Variants in RAB3GAP1 observed in about 807,000 individuals in gnomAD.
The protein encoded by RAB3GAP1 is rab3 GTPase-activating protein catalytic subunit.
A neutral mutation model predicts 130.7 loss-of-function variants in RAB3GAP1; 86 were observed. The observed-to-expected ratio is 0.66, with a 90% CI of 0.55 to 0.79. The LOEUF (loss-of-function observed/expected upper bound fraction) is 0.79. Ranked by LOEUF, RAB3GAP1 falls within the 30% of genes least tolerant of loss-of-function variation. The pLI is 0.00. For missense variants in RAB3GAP1, 1,029 were observed against 1,169.4 expected, an observed-to-expected ratio of 0.88 and a Z score of 1.75; for synonymous variants, 367 against 401.7, an observed-to-expected ratio of 0.91 and a Z score of 1.03.
chr2:135,077,831 G>C (rs987395653), intron 3 of RAB3GAP1, among the ~76,000 whole-genome samples: 1 of 152,030 alleles, frequency 6.6e-6, no homozygotes, highest in Admixed American at 6.6e-5. Context: ...TGTTCTTATT[G>C]CCTATTTGTC....
At chr2:135,064,281 G>T (rs986873194) in intron 3 of RAB3GAP1, among the ~76,000 whole-genome samples, 1 of 151,688 alleles carries the variant, frequency 6.6e-6, no homozygotes, top group Non-Finnish European at 1.5e-5. Flanking sequence ...AAATTTTTTT[G>T]CCCCATTCTC....
intron 17 of RAB3GAP1, among the ~76,000 whole-genome samples, chr2:135,145,108 G>A (rs1457610659): frequency 6.6e-6 from 1 of 151,896 alleles, no homozygotes; most frequent in East Asian, 1.9e-4. Context: ...CATTTTTATG[G>A]GGTACATATG....
In RAB3GAP1 at chr2:135,135,630, G is replaced by A. The variant is rs1691657182; in HGVS notation, c.1621G>A (p.Val541Ile). 1.2e-6 allele frequency: 2 copies of A among 1,612,084 alleles called. No homozygotes were observed. The highest frequency in any genetic ancestry group is 1.7e-6 in the Non-Finnish European group (2 of 1,179,304). ...DEGKKTSASDVTNIYPGDAGK... is the reference protein window; with the variant it reads ...DEGKKTSASDITNIYPGDAGK... ...GGGGAAAAAGACAAGTGCTTCAGAT[G>A]TCACTAATATATATCCAGGGGATGC... The change falls in exon 17 of 24, where the codon GTC becomes ATC. Residue 541 changes from valine (V) to isoleucine (I), a missense_variant. This residue lies in a region of RAB3GAP1 where 373 missense variants were observed against 493.6 expected (regional missense o/e 0.76). Transcript: ENST00000264158.
At chr2:135,058,917 T>G (rs567800039) in intron 3 of RAB3GAP1, 6 of 152,266 alleles carry the variant, frequency 3.9e-5, no homozygotes, top group African/African-American at 1.4e-4. Context: ...GTAATTTAAT[T>G]ATAATTTACC....
At chr2:135,161,615 A>G (rs574709166) in intron 19 of RAB3GAP1, among the ~76,000 whole-genome samples, 1 of 152,258 alleles carries the variant, frequency 6.6e-6, no homozygotes, top group Non-Finnish European at 1.5e-5. Context: ...TTTTCTTTAA[A>G]CTATTTCTAA....
intron 5 of RAB3GAP1, among the ~76,000 whole-genome samples, chr2:135,110,920 A>G (rs542909470): frequency 2.9e-4 from 44 of 152,344 alleles, no homozygotes; most frequent in African/African-American, 1.0e-3. Context: ...ATACAAGTAC[A>G]GAGGATGGAA....
chr2:135,103,935 C>T (rs1690522363), intron 5 of RAB3GAP1, among the ~76,000 whole-genome samples: 1 of 152,186 alleles, frequency 6.6e-6, no homozygotes, highest in Admixed American at 6.5e-5. Flanking sequence ...CCGTAGATGA[C>T]AGGAAAACTA....
intron 23 of RAB3GAP1, chr2:135,167,628 G>T (rs1475687777): frequency 6.8e-6 from 9 of 1,328,154 alleles, no homozygotes; most frequent in Admixed American, 5.9e-5. Flanking sequence ...CCCTTGTCTA[G>T]CCCTATTTAA....
At chr2:135,102,901 G>T (rs1258015253) in intron 5 of RAB3GAP1, among the ~76,000 whole-genome samples, 1 of 150,116 alleles carries the variant, frequency 6.7e-6, no homozygotes, top group African/African-American at 2.5e-5. Flanking sequence ...TGTAGTCCCA[G>T]CTACTTGGGA....
At chr2:135,142,921 T>C (rs1177092827) in intron 17 of RAB3GAP1, among the ~76,000 whole-genome samples, 2 of 151,708 alleles carry the variant, frequency 1.3e-5, no homozygotes, top group Non-Finnish European at 2.9e-5. Context: ...TATTCATATG[T>C]CAGAGGTATT....
intron 19 of RAB3GAP1, among the ~76,000 whole-genome samples, chr2:135,161,602 G>A (rs927190405): frequency 3.3e-5 from 5 of 152,010 alleles, no homozygotes; most frequent in Non-Finnish European, 5.9e-5. Context: ...TCCTAAGCTG[G>A]TGTTTTCTTT....
At position 135,130,117 on chromosome 2, in the gene RAB3GAP1, T is replaced by C. The variant is rs1235061329; in HGVS notation, c.1066+30T>C. On this transcript the variant is annotated intron_variant, in intron 12 of 23. Coordinates refer to ENST00000264158, the MANE Select transcript of RAB3GAP1 (RefSeq NM_012233.3). ...CCTACATTTTTTTTTAACATTACTT[T>C]CAAATGTCTTACTGTTTTTCCTTGG... is the stretch of plus-strand genomic sequence containing the variant. 2.0e-6 allele frequency: 3 copies of C among 1,497,740 alleles called. No individual in the cohort carries two copies. The Admixed American group carries it at 5.0e-5, about 25-fold the overall frequency. The allele number at this position is 1,497,740 out of a possible 1,614,324, so 92.8% of individuals were successfully genotyped here. A position where few individuals can be genotyped will look rare whatever the true frequency, so the allele number is the denominator to read the frequency against.
chr2:135,161,423 G>C (rs1442156123), intron 19 of RAB3GAP1, among the ~76,000 whole-genome samples: 1 of 151,930 alleles, frequency 6.6e-6, no homozygotes, highest in Non-Finnish European at 1.5e-5. Flanking sequence ...GCTATAAACA[G>C]AAACACTCCA....
chr2:135,052,504 TG>T lies in RAB3GAP1; in HGVS notation c.74+21del. Reference sequence around the variant, plus strand: ...GGGAAAGGTGAGTGAATCGCATTTTTGGTTACCAGCTCCCATGGGCCCTGGC... The same window carrying T: ...GGGAAAGGTGAGTGAATCGCATTTTTGTTACCAGCTCCCATGGGCCCTGGC... On this transcript the variant is annotated intron_variant, in intron 2 of 23. Coordinates refer to ENST00000264158, the MANE Select transcript of RAB3GAP1 (RefSeq NM_012233.3). 6.2e-7 allele frequency: 1 copy of T among 1,613,018 alleles called. No homozygotes were observed. Among genetic ancestry groups the T allele is most frequent in the Non-Finnish European group, 8.5e-7 (1 of 1,180,024 alleles).
At position 135,153,761 on chromosome 2, in the gene RAB3GAP1, T is replaced by G. The variant is rs1459339254; in HGVS notation, c.2174T>G (p.Leu725Arg). The G allele has an allele frequency of 6.2e-7, 1 of 1,614,048 alleles. No individual in the cohort carries two copies. The highest frequency in any genetic ancestry group is 8.5e-7 in the Non-Finnish European group (1 of 1,179,934). ...EKGNVVLKGE[L>R]SARMKIPSNM... ...GGCAATGTGGTGCTGAAAGGAGAACTGAGTGCCCGGATGAAGATTCCAAGC... is the reference window on the plus strand; with the variant it reads ...GGCAATGTGGTGCTGAAAGGAGAACGGAGTGCCCGGATGAAGATTCCAAGC... The change falls in exon 19 of 24, where the codon CTG becomes CGG. Residue 725 changes from leucine to arginine, a missense_variant. Physicochemically the swap from Leu to Arg is moderately radical, Grantham distance 102. Transcript: ENST00000264158.
chr2:135,057,398 TTTTA>T (rs1453425972), intron 2 of RAB3GAP1, among the ~76,000 whole-genome samples: 2 of 152,128 alleles, frequency 1.3e-5, no homozygotes, highest in Non-Finnish European at 2.9e-5. Context: ...GGTTTCATAA[TTTTA>T]TTTATTTATT....
At chr2:135,143,041 C>A (rs1336067100) in intron 17 of RAB3GAP1, among the ~76,000 whole-genome samples, 2 of 151,886 alleles carry the variant, frequency 1.3e-5, no homozygotes, top group African/African-American at 4.8e-5. Context: ...AACATATTCA[C>A]CAGTGAAACC....
chr2:135,082,669 G>A (rs1047810545), intron 3 of RAB3GAP1, among the ~76,000 whole-genome samples: 6 of 151,950 alleles, frequency 3.9e-5, no homozygotes, highest in African/African-American at 1.5e-4. Flanking sequence ...TCAAACTTCT[G>A]ACCTCAGGTG....
At chr2:135,139,719 C>T (rs1267565033) in intron 17 of RAB3GAP1, among the ~76,000 whole-genome samples, 2 of 152,128 alleles carry the variant, frequency 1.3e-5, no homozygotes, top group African/African-American at 4.8e-5. Context: ...TCTCTACATT[C>T]TCTGTCTTTC....
Sources: gnomAD v4.1 joint callset for allele counts (sites outside exome capture counted in the v4.1 genomes callset) on GRCh38, gnomAD v4.1.1 for gene constraint, gnomAD v4.1.1 regional missense constraint, MANE v1.5 for transcripts, NCBI Gene and HGNC (gene_info 2026-07-23, HGNC 2026-07-21) for gene names.